Variants in ASIC2 observed in about 807,000 individuals in gnomAD.
ASIC2 encodes acid sensing ion channel subunit 2, also known as acid-sensing ion channel 2.
A neutral mutation model predicts 57.3 loss-of-function variants in ASIC2; 25 were observed. The ratio of observed to expected loss-of-function variants is 0.44; its 90% confidence interval spans 0.32 to 0.61. The LOEUF is 0.61. Among genes scored for constraint, ASIC2 ranks in the 20% least tolerant of loss-of-function variants. The pLI is 0.06. For synonymous variants in ASIC2, 319 were observed against 307.5 expected, an observed-to-expected ratio of 1.04 and a Z score of -0.39; for missense variants, 641 against 738.1, an observed-to-expected ratio of 0.87 and a Z score of 1.52.
At chr17:33,201,333 ACTCCGGCAGCC>A (rs1906850722) in intron 1 of ASIC2, among the ~76,000 whole-genome samples, 1 of 151,880 alleles carries the variant, frequency 6.6e-6, no homozygotes, top group South Asian at 2.1e-4. Flanking sequence ...GGAGAAGCCA[ACTCCGGCAGCC>A]CTCCAGTAGC....
At chr17:33,814,144 G>T (rs1215228794) in intron 1 of ASIC2, among the ~76,000 whole-genome samples, 1 of 151,884 alleles carries the variant, frequency 6.6e-6, no homozygotes, top group Non-Finnish European at 1.5e-5. Flanking sequence ...CTCAGTCTTT[G>T]TGCCACTCTT....
intron 1 of ASIC2, among the ~76,000 whole-genome samples, chr17:33,152,974 A>G (rs1351171146): frequency 6.6e-6 from 1 of 152,200 alleles, no homozygotes; most frequent in African/African-American, 2.4e-5. Context: ...CTTCCTGAGA[A>G]GAAATCTTGT....
chr17:33,796,537 C>T (rs1417228480), intron 1 of ASIC2, among the ~76,000 whole-genome samples: 2 of 152,134 alleles, frequency 1.3e-5, no homozygotes, highest in Non-Finnish European at 2.9e-5. Flanking sequence ...TGAACATTAG[C>T]TAGCCTGTAT....
intron 1 of ASIC2, among the ~76,000 whole-genome samples, chr17:33,627,496 G>C (rs978194971): frequency 1.3e-5 from 2 of 152,218 alleles, no homozygotes; most frequent in Admixed American, 6.5e-5. Context: ...GCTCCCTCCT[G>C]CTGCTGCTCC....
At chr17:33,192,712 AT>A (rs1166944646) in intron 1 of ASIC2, among the ~76,000 whole-genome samples, 1 of 152,140 alleles carries the variant, frequency 6.6e-6, no homozygotes, top group Admixed American at 6.5e-5. Flanking sequence ...CTGTGACTTG[AT>A]TTTGAGAGGA....
At chr17:34,047,100 G>A (rs900332611) in intron 1 of ASIC2, among the ~76,000 whole-genome samples, 3 of 151,970 alleles carry the variant, frequency 2.0e-5, no homozygotes, top group Non-Finnish European at 4.4e-5. Flanking sequence ...CTAATAAATG[G>A]TACAGCTGAT....
intron 1 of ASIC2, among the ~76,000 whole-genome samples, chr17:33,148,087 G>A (rs921476590): frequency 1.3e-5 from 2 of 152,180 alleles, no homozygotes; most frequent in African/African-American, 2.4e-5. Flanking sequence ...TCCCTAAAAT[G>A]TAAAGTAATA....
intron 1 of ASIC2, among the ~76,000 whole-genome samples, chr17:33,356,989 C>G (rs953437220): frequency 0.072 from 12 of 166 alleles, no homozygotes; most frequent in Admixed American, 0.15. Flanking sequence ...TAGGGACCGT[C>G]TAGATCGGTG....
intron 1 of ASIC2, among the ~76,000 whole-genome samples, chr17:33,596,402 C>T (rs1258405481): frequency 6.6e-6 from 1 of 152,148 alleles, no homozygotes; most frequent in East Asian, 1.9e-4. Context: ...TTTTTACATT[C>T]CAAAACTGCA....
chr17:34,090,498 T>G (rs1910293881), intron 1 of ASIC2, among the ~76,000 whole-genome samples: 1 of 152,090 alleles, frequency 6.6e-6, no homozygotes, highest in South Asian at 2.1e-4. Flanking sequence ...GTGGGGCAGT[T>G]TGAGGAACTC....
intron 1 of ASIC2, among the ~76,000 whole-genome samples, chr17:33,419,904 T>C (rs554492748): frequency 2.6e-5 from 4 of 152,246 alleles, no homozygotes; most frequent in African/African-American, 2.4e-5. Context: ...GTTCCATTTG[T>C]GCAAAATAAA....
chr17:33,801,656 G>C (rs1402703455), intron 1 of ASIC2, among the ~76,000 whole-genome samples: 1 of 152,214 alleles, frequency 6.6e-6, no homozygotes, highest in Non-Finnish European at 1.5e-5. Flanking sequence ...GCTTAGCATA[G>C]TGTCTCAACA....
intron 1 of ASIC2, among the ~76,000 whole-genome samples, chr17:33,880,430 C>T (rs1914669829): frequency 6.6e-6 from 1 of 152,090 alleles, no homozygotes; most frequent in South Asian, 2.1e-4. Context: ...GGGATATCAC[C>T]ACTGATCCCG....
At chr17:33,309,715 C>T (rs1244013451) in intron 1 of ASIC2, among the ~76,000 whole-genome samples, 1 of 151,960 alleles carries the variant, frequency 6.6e-6, no homozygotes, top group Non-Finnish European at 1.5e-5. Context: ...CTTAAAACCC[C>T]TTGTGTAGAC....
chr17:33,525,914 C>A (rs1018614932), intron 1 of ASIC2, among the ~76,000 whole-genome samples: 1 of 152,300 alleles, frequency 6.6e-6, no homozygotes, highest in East Asian at 1.9e-4. Context: ...GCATTTACTG[C>A]CTGTCCTGCT....
intron 1 of ASIC2, chr17:33,828,459 A>G (rs1295683025): frequency 6.6e-6 from 1 of 152,142 alleles, no homozygotes; most frequent in African/African-American, 2.4e-5. Flanking sequence ...CCATCTTGTC[A>G]CCTCATCAGT....
At chr17:33,440,125 T>C (rs2141983541) in intron 1 of ASIC2, among the ~76,000 whole-genome samples, 1 of 152,298 alleles carries the variant, frequency 6.6e-6, no homozygotes, top group Admixed American at 6.5e-5. Flanking sequence ...CTCAAAATGC[T>C]CTCTTGTGCC....
intron 1 of ASIC2, among the ~76,000 whole-genome samples, chr17:33,331,832 T>C (rs1369922231): frequency 6.6e-6 from 1 of 152,234 alleles, no homozygotes; most frequent in Non-Finnish European, 1.5e-5. Context: ...CAACTGCCCG[T>C]AGTCATTCTG....
chr17:34,062,299 G>A (rs975957690), intron 1 of ASIC2, among the ~76,000 whole-genome samples: 3 of 151,936 alleles, frequency 2.0e-5, no homozygotes, highest in Non-Finnish European at 4.4e-5. Flanking sequence ...AAATCAAGAT[G>A]GAAATTAAAA....
Sources: allele counts gnomAD v4.1 joint callset (sites outside exome capture counted in the v4.1 genomes callset), GRCh38; gene constraint gnomAD v4.1.1; transcripts MANE v1.5; gene names NCBI Gene and HGNC (gene_info 2026-07-23, HGNC 2026-07-21).